The following FSIP2 variants were observed in gnomAD, a reference collection of about 807,000 sequenced individuals.
The protein encoded by FSIP2 is fibrous sheath-interacting protein 2.
Under a neutral mutation model 510.5 loss-of-function variants are expected in FSIP2, and 367 were observed. That is an observed-to-expected ratio of 0.72 (90% CI 0.66 to 0.78). The LOEUF is 0.78. FSIP2 is among the 30% of genes least tolerant of loss of function. The pLI is 0.00. For synonymous variants in FSIP2, 2,601 were observed against 2,732.2 expected (o/e 0.95, Z 1.50); for missense variants, 7,594 against 7,901.7 (o/e 0.96, Z 1.48).
At position 185,819,444 on chromosome 2, in the gene FSIP2, A is replaced by AAGAT. The variant is rs1693876418; in HGVS notation, c.20426+3975_20426+3978dup. On this transcript the variant is annotated intron_variant, in intron 19 of 22. Coordinates refer to ENST00000424728, the MANE Select transcript of FSIP2 (RefSeq NM_173651.4). ...CAGAATCCAACTGTATGTTATCCAT[A>AAGAT]AGATATTCACTTTAGATCTAAGAAT... is the stretch of plus-strand genomic sequence containing the variant. Among the ~76,000 whole-genome samples, 3 of 152,038 alleles carry AAGAT rather than the reference A, an allele frequency of 2.0e-5. No homozygotes were observed. In the East Asian group the frequency reaches 5.8e-4, roughly 30 times the overall value.
chr2:185,745,674 C>T, intron 5 of FSIP2, 106 bp downstream of exon 5: 14 of 943,590 alleles, frequency 1.5e-5, no homozygotes, highest in Non-Finnish European at 2.1e-5. Context: ...CACCATTCTC[C>T]TGGATCCCTC....
At chr2:185,738,768 CGCGGGGG>C, upstream of FSIP2, 1 of 1,535,968 alleles carries the variant, frequency 6.5e-7, no homozygotes, top group South Asian at 1.2e-5. Flanking sequence ...AAGCCTGGAA[CGCGGGGG>C]GCGGGGCTGA....
At chr2:185,784,946 C>G (rs1453974862) in intron 14 of FSIP2, among the ~76,000 whole-genome samples, 1 of 152,008 alleles carries the variant, frequency 6.6e-6, no homozygotes, top group Non-Finnish European at 1.5e-5. Flanking sequence ...AAATTGTTTT[C>G]TAATAGTCAT....
chr2:185,751,314 A>C (rs1419223249), intron 7 of FSIP2, among the ~76,000 whole-genome samples: 2 of 151,510 alleles, frequency 1.3e-5, no homozygotes, highest in African/African-American at 2.4e-5. Context: ...TTGTTATGAA[A>C]ATATTTTATT....
Position 185,803,667 on chromosome 2 carries a change from T to C in FSIP2, c.14361T>C (p.Thr4787=), listed in dbSNP as rs1426794661. 5.2e-6 allele frequency: 8 copies of C among 1,530,704 alleles called. No homozygotes were observed. In the East Asian group the frequency reaches 2.0e-4, roughly 38 times the overall value. The allele number at this position is 1,530,704 out of a possible 1,614,324, so 94.8% of individuals were successfully genotyped here. ...FQRQASTMYT[T]MLSHSHLEKI... is the part of the protein sequence containing the mutation. ...GACAAGCTTCAACAATGTATACCAC[T>C]ATGTTATCACATAGTCATTTGGAAA... Residue 4787 remains threonine (T), a synonymous_variant, in exon 17 of 23, where the codon ACT becomes ACC. Transcript: ENST00000424728.
chr2:185,820,960 A>G (rs1348125079), intron 19 of FSIP2, among the ~76,000 whole-genome samples: 1 of 150,618 alleles, frequency 6.6e-6, no homozygotes, highest in East Asian at 2.0e-4. Context: ...GGAATAAAAT[A>G]GAGAATAAAA....
chr2:185,743,550 T>C (rs908085702), intron 3 of FSIP2, among the ~76,000 whole-genome samples: 1 of 152,176 alleles, frequency 6.6e-6, no homozygotes, highest in Admixed American at 6.5e-5. Context: ...AATTTGAGAA[T>C]ACAAAGATAT....
In FSIP2 at chr2:185,791,138, T is replaced by C; in HGVS notation, c.4002T>C (p.Phe1334=). The change falls in exon 16 of 23, where the codon TTT becomes TTC. Residue 1334 remains phenylalanine, a synonymous_variant. Transcript: ENST00000424728. ...HTKSLTDKGF[F]ANTDKKLESL... is the part of the protein sequence containing the mutation. ...AATCCCTTACAGATAAAGGATTTTT[T>C]GCTAATACTGATAAAAAATTAGAAT... 4 of 1,533,284 alleles carry C rather than the reference T, an allele frequency of 2.6e-6. No homozygotes were observed. 95.0% of individuals were successfully genotyped at this position (1,533,284 alleles called of 1,614,324 possible).
In FSIP2 at chr2:185,801,088, G is replaced by C. The variant is rs1471194110; in HGVS notation, c.11782G>C (p.Ala3928Pro). 1 of 1,531,938 alleles carries C rather than the reference G, an allele frequency of 6.5e-7. No individual in the cohort carries two copies. The highest frequency in any genetic ancestry group is 8.7e-7 in the Non-Finnish European group (1 of 1,144,812). 94.9% of individuals were successfully genotyped at this position (1,531,938 alleles called of 1,614,324 possible). The change falls in exon 17 of 23, where the codon GCA becomes CCA. Residue 3928 changes from alanine to proline, a missense_variant. Physicochemically the swap from Ala to Pro is conservative, Grantham distance 27. Coordinates refer to ENST00000424728, the MANE Select transcript of FSIP2 (RefSeq NM_173651.4). The stretch of plus-strand genomic sequence containing the variant: ...CAGTGTGGTTAGCTCCAAAATACAA[G>C]CACCATTTAACAAGCATTGTGCAGT... ...NPSVVSSKIQ[A>P]PFNKHCAVKS...
At chr2:185,781,493 T>A (rs1692848580) in intron 13 of FSIP2, among the ~76,000 whole-genome samples, 1 of 152,204 alleles carries the variant, frequency 6.6e-6, no homozygotes, top group South Asian at 2.1e-4. Flanking sequence ...CTGTATATTT[T>A]TAGGAGCTCT....
Position 185,790,322 on chromosome 2 carries a change from A to G in FSIP2, c.3186A>G (p.Ala1062=). The G allele has an allele frequency of 6.5e-7, 1 of 1,533,814 alleles. No homozygotes were observed. The highest frequency in any genetic ancestry group is 8.7e-7 in the Non-Finnish European group (1 of 1,145,482). Residue 1062 remains alanine (A), a synonymous_variant, in exon 16 of 23, where the codon GCA becomes GCG. Transcript: ENST00000424728. The part of the protein sequence containing the change: ...PTKPGSRSKA[A]FHDWELKTEP... ...AGCCTGGTTCTAGAAGCAAAGCTGC[A>G]TTTCATGATTGGGAATTAAAGACTG...
intron 22 of FSIP2, 45 bp downstream of exon 22, chr2:185,831,927 A>C: frequency 9.5e-6 from 11 of 1,153,382 alleles, no homozygotes; most frequent in Non-Finnish European, 1.3e-5. Context: ...TAAACTGTCA[A>C]TTGCATCATT....
chr2:185,738,706 GC>G, upstream of FSIP2: 1 of 1,536,094 alleles, frequency 6.5e-7, no homozygotes. Flanking sequence ...CTACGCGCTG[GC>G]GCGAGCCGCC....
chr2:185,746,621 A>G, intron 5 of FSIP2, 48 bp from the exon 6 acceptor site: 1 of 1,417,188 alleles, frequency 7.1e-7, no homozygotes, highest in Non-Finnish European at 9.3e-7. Context: ...ATGCCATCAT[A>G]AAAGAAACAG....
In FSIP2 at chr2:185,792,431, T is replaced by G. The variant is rs572435554; in HGVS notation, c.5295T>G (p.Ile1765Met). 3 of 1,533,642 alleles carry G rather than the reference T, an allele frequency of 2.0e-6. No homozygotes were observed. The highest frequency in any genetic ancestry group is 2.6e-6 in the Non-Finnish European group (3 of 1,145,162). Residue 1765 changes from isoleucine (I) to methionine (M), a missense_variant, in exon 16 of 23, where the codon ATT (isoleucine) becomes ATG (methionine). Transcript: ENST00000424728. ...CTCTCGAAAAAACCTTAAACAAAATTGAAGTAAAACTCAAAGAACCACATA... is the reference window on the plus strand; with the variant it reads ...CTCTCGAAAAAACCTTAAACAAAATGGAAGTAAAACTCAAAGAACCACATA... ...QWALEKTLNK[I>M]EVKLKEPHIS...
rs753122573 is a variant in FSIP2 at position 185,806,885 on chromosome 2, T to C, written c.17579T>C (p.Val5860Ala). 11 of 1,608,676 alleles carry C rather than the reference T, an allele frequency of 6.8e-6. No individual in the cohort carries two copies. In the Admixed American group the frequency reaches 1.7e-4, roughly 25 times the overall value. The change falls in exon 17 of 23, where the codon GTG becomes GCG. Residue 5860 changes from valine to alanine, a missense_variant. Physicochemically the swap from Val to Ala is moderately conservative, Grantham distance 64. Coordinates refer to ENST00000424728, the MANE Select transcript of FSIP2 (RefSeq NM_173651.4). ...GGAAATCAGTTCCCTGGGGGTAAAG[T>C]GTCTTCAGTTCCTAAAGTACCTCCA... ...DKGNQFPGGK[V>A]SSVPKVPPRY...
chr2:185,785,562 G>T (rs1692952978), intron 14 of FSIP2, among the ~76,000 whole-genome samples: 2 of 139,730 alleles, frequency 1.4e-5, no homozygotes, highest in African/African-American at 2.6e-5. Context: ...TTCAGTTTTA[G>T]ATTTTAATAT....
intron 20 of FSIP2, among the ~76,000 whole-genome samples, chr2:185,825,714 C>T (rs1694003083): frequency 6.6e-6 from 1 of 151,738 alleles, no homozygotes; most frequent in South Asian, 2.1e-4. Flanking sequence ...TCAACTGAAT[C>T]ATTTGCTTAC....
At chr2:185,824,531 G>GTT (rs544414863) in intron 20 of FSIP2, 51 bp downstream of exon 20, 72 of 903,002 alleles carry the variant, frequency 8.0e-5, no homozygotes, top group South Asian at 1.6e-4. Flanking sequence ...ACTTTGATGT[G>GTT]TTTTTTTTTT....
Sources: allele counts gnomAD v4.1 joint callset (sites outside exome capture counted in the v4.1 genomes callset), GRCh38; gene constraint gnomAD v4.1.1; transcripts MANE v1.5; gene names NCBI Gene and HGNC (gene_info 2026-07-23, HGNC 2026-07-21).